The following SYT16 variants were observed in gnomAD, a reference collection of about 807,000 sequenced individuals.
The protein encoded by SYT16 is synaptotagmin 16, also known as synaptotagmin-16.
SYT16 carries 42 observed loss-of-function variants against 61.4 expected under a neutral mutation model. That is an observed-to-expected ratio of 0.68 (90% CI 0.53 to 0.89). The LOEUF (loss-of-function observed/expected upper bound fraction) is 0.89. Among genes scored for constraint, SYT16 ranks in the 40% least tolerant of loss-of-function variants. SYT16 has a pLI of 0.00. For missense variants in SYT16, 804 were observed against 807.3 expected, an observed-to-expected ratio of 1.00 and a Z score of 0.05; for synonymous variants, 314 against 302.3, an observed-to-expected ratio of 1.04 and a Z score of -0.40.
chr14:62,025,309 G>A (rs1334791430), intron 3 of SYT16, among the ~76,000 whole-genome samples: 1 of 152,098 alleles, frequency 6.6e-6, no homozygotes, highest in Non-Finnish European at 1.5e-5. Flanking sequence ...ATGTAGTAGT[G>A]TCTTATTGGT....
chr14:61,982,960 G>A (rs1296281427), intron 2 of SYT16, among the ~76,000 whole-genome samples: 1 of 152,136 alleles, frequency 6.6e-6, no homozygotes, highest in African/African-American at 2.4e-5. Flanking sequence ...TTGGGGTTTT[G>A]TGCTTCTCTT....
intron 2 of SYT16, among the ~76,000 whole-genome samples, chr14:61,986,561 C>T (rs2052324598): frequency 6.6e-6 from 1 of 151,838 alleles, no homozygotes; most frequent in Non-Finnish European, 1.5e-5. Flanking sequence ...ATTAACTCGT[C>T]ATTTACATTA....
At position 61,965,523 on chromosome 14, in the gene SYT16, C is replaced by T. The variant is rs115211609; in HGVS notation, c.-324-4609C>T. On this transcript the variant is annotated intron_variant, in intron 1 of 7. Transcript: ENST00000683842. The stretch of plus-strand genomic sequence containing the variant: ...TGAACTTATTTCTAGTGTTCCCCAT[C>T]CCTCACCCCTGCCCCAACCTGAAAG... 7.2e-3 allele frequency among the ~76,000 whole-genome samples: 1,089 copies of T among 152,232 alleles called. 11 individuals carry two copies. Among genetic ancestry groups the T allele is most frequent in the African/African-American group, 0.025 (1,021 of 41,566 alleles).
Position 62,102,508 on chromosome 14 carries a change from T to C in SYT16, c.*1801T>C, listed in dbSNP as rs2057440694. The C allele has an allele frequency of 6.6e-6, 1 of 152,202 alleles. No homozygotes were observed. The highest frequency in any genetic ancestry group is 1.5e-5 in the Non-Finnish European group (1 of 68,040). 9.4% of individuals were successfully genotyped at this position (152,202 alleles called of 1,614,324 possible). A position where few individuals can be genotyped will look rare whatever the true frequency, so the allele number is the denominator to read the frequency against. On this transcript the variant is annotated 3_prime_UTR_variant, in exon 8 of 8. Transcript: ENST00000683842. ...CTTTCTTTGGGAGATCTCAGAGTGC[T>C]TTTCCAGCATTATATCCATTAACTG...
Position 62,100,902 on chromosome 14 carries a change from T to G in SYT16, c.*195T>G. The G allele has an allele frequency of 1.7e-6, 1 of 590,408 alleles. No homozygotes were observed. The highest frequency in any genetic ancestry group is 3.0e-6 in the Non-Finnish European group (1 of 338,594). The allele number at this position is 590,408 out of a possible 1,614,324, so 36.6% of individuals were successfully genotyped here. The stretch of plus-strand genomic sequence containing the variant: ...AATATTGTAATTTTAAAAACACACA[T>G]ACACAGTGAAGTGTCCGTATGGAAA... On this transcript the variant is annotated 3_prime_UTR_variant, in exon 8 of 8. Coordinates refer to ENST00000683842, the MANE Select transcript of SYT16 (RefSeq NM_001367656.1).
At chr14:61,886,641 G>A (rs982199042) in intron 1 of SYT16, among the ~76,000 whole-genome samples, 5 of 152,074 alleles carry the variant, frequency 3.3e-5, no homozygotes, top group East Asian at 1.9e-4. Flanking sequence ...TCCAGTTCTC[G>A]TGCTATTTCC....
At chr14:61,959,824 C>T (rs1595019171) in intron 1 of SYT16, among the ~76,000 whole-genome samples, 1 of 151,990 alleles carries the variant, frequency 6.6e-6, no homozygotes, top group Admixed American at 6.6e-5. Context: ...TGGTGCACTA[C>T]CTTAGTTTTT....
chr14:62,038,282 G>C (rs1167737434), intron 3 of SYT16, among the ~76,000 whole-genome samples: 1 of 150,234 alleles, frequency 6.7e-6, no homozygotes, highest in Non-Finnish European at 1.5e-5. Context: ...TGATACAGAA[G>C]ATACATGGTA....
chr14:61,827,155 G>T (rs2045798330), intron 1 of SYT16, among the ~76,000 whole-genome samples: 1 of 152,140 alleles, frequency 6.6e-6, no homozygotes, highest in Non-Finnish European at 1.5e-5. Context: ...TAGTCCTCTG[G>T]CTTCATTGTT....
chr14:61,925,784 G>T (rs532351239), intron 1 of SYT16, among the ~76,000 whole-genome samples: 50 of 152,182 alleles, frequency 3.3e-4, no homozygotes, highest in Non-Finnish European at 6.2e-4. Flanking sequence ...TTGAAGGTGA[G>T]AGAGAATTCC....
intron 2 of SYT16, among the ~76,000 whole-genome samples, chr14:61,987,543 C>G (rs908259073): frequency 6.6e-6 from 1 of 152,030 alleles, no homozygotes; most frequent in Non-Finnish European, 1.5e-5. Flanking sequence ...GGCAGAAGGC[C>G]ATAGAGTTTA....
chr14:62,100,286 T>C (rs2057387597), intron 7 of SYT16, 108 bp from the exon 8 acceptor site: 7 of 968,884 alleles, frequency 7.2e-6, no homozygotes, highest in Non-Finnish European at 1.0e-5. Context: ...GATCAGTATG[T>C]TGAAAGGAGA....
chr14:61,945,911 G>C (rs1273584216), intron 1 of SYT16, among the ~76,000 whole-genome samples: 1 of 146,398 alleles, frequency 6.8e-6, no homozygotes, highest in African/African-American at 2.5e-5. Flanking sequence ...CCTCTGCAGG[G>C]ACATGGATGA....
chr14:62,072,384 G>GGTGT lies in SYT16; in HGVS notation c.736+2584_736+2587dup, dbSNP rs139640744. 4.0e-5 allele frequency among the ~76,000 whole-genome samples: 6 copies of GGTGT among 150,374 alleles called. No individual in the cohort carries two copies. In the East Asian group the frequency reaches 5.8e-4, roughly 15 times the overall value. On this transcript the variant is annotated intron_variant, in intron 4 of 7. Coordinates refer to ENST00000683842, the MANE Select transcript of SYT16 (RefSeq NM_001367656.1). ...ACATGCAAACACCTGCACATGCAGGGGTGTGTGTGTGTGTGTGTACCCCAA... is the reference window on the plus strand; with the variant it reads ...ACATGCAAACACCTGCACATGCAGGGGTGTGTGTGTGTGTGTGTGTGTACCCCAA...
intron 1 of SYT16, among the ~76,000 whole-genome samples, chr14:61,946,793 C>T (rs944134610): frequency 6.6e-6 from 1 of 152,022 alleles, no homozygotes; most frequent in Admixed American, 6.6e-5. Flanking sequence ...GAGTTGCAAC[C>T]ATATGTTTTG....
At chr14:61,976,593 T>A (rs1325351631) in intron 2 of SYT16, among the ~76,000 whole-genome samples, 1 of 152,194 alleles carries the variant, frequency 6.6e-6, no homozygotes, top group Non-Finnish European at 1.5e-5. Context: ...GGGCTTGTAC[T>A]CTCTGAAGCA....
At chr14:61,909,143 G>C (rs2140375893) in intron 1 of SYT16, among the ~76,000 whole-genome samples, 1 of 152,242 alleles carries the variant, frequency 6.6e-6, no homozygotes, top group East Asian at 1.9e-4. Context: ...AACCATAATG[G>C]ATATTTTTGT....
chr14:62,049,300 C>T (rs921859965), intron 3 of SYT16, among the ~76,000 whole-genome samples: 1 of 152,016 alleles, frequency 6.6e-6, no homozygotes, highest in Admixed American at 6.6e-5. Flanking sequence ...GATTGCAAGC[C>T]CTGCCTTTTT....
intron 3 of SYT16, among the ~76,000 whole-genome samples, chr14:62,052,043 T>A (rs1481183203): frequency 6.6e-6 from 1 of 152,214 alleles, no homozygotes; most frequent in East Asian, 1.9e-4. Flanking sequence ...GATTTTGTTA[T>A]GTTTTCTTTA....
Sources: gnomAD v4.1 joint callset for allele counts (sites outside exome capture counted in the v4.1 genomes callset) on GRCh38, gnomAD v4.1.1 for gene constraint, MANE v1.5 for transcripts, NCBI Gene and HGNC (gene_info 2026-07-23, HGNC 2026-07-21) for gene names.